CTTNBP2: variants seen among roughly 807,000 people sequenced by gnomAD.
CTTNBP2 encodes the protein cortactin binding protein 2, also known as cortactin-binding protein 2.
CTTNBP2 carries 108 observed loss-of-function variants against 156.9 expected under a neutral mutation model. The observed-to-expected ratio is 0.69, with a 90% CI of 0.59 to 0.81. CTTNBP2 has a LOEUF of 0.81. Ranked by LOEUF, CTTNBP2 falls within the 30% of genes least tolerant of loss-of-function variation. The pLI, the probability that CTTNBP2 is intolerant of heterozygous loss-of-function variation, is 0.00. For missense variants in CTTNBP2, 1,924 were observed against 2,035.4 expected, an observed-to-expected ratio of 0.95 and a Z score of 1.05; for synonymous variants, 767 against 751.8, an observed-to-expected ratio of 1.02 and a Z score of -0.33.
intron 14 of CTTNBP2, among the ~76,000 whole-genome samples, chr7:117,739,857 T>A (rs1795900920): frequency 6.6e-6 from 1 of 152,200 alleles, no homozygotes; most frequent in Admixed American, 6.5e-5. Flanking sequence ...ACTCCAATTG[T>A]CATAGTCTCC....
chr7:117,873,316 G>T lies in CTTNBP2; in HGVS notation c.81+19C>A. ...CCGCGTCTACACTAGCCCCGCGCCC[G>T]CCCCGGGAACTCGGTTACCGCCGCC... On this transcript the variant is annotated intron_variant, in intron 1 of 22. Coordinates refer to ENST00000160373, the MANE Select transcript of CTTNBP2 (RefSeq NM_033427.3). 2 of 1,429,924 alleles carry T rather than the reference G, an allele frequency of 1.4e-6. No homozygotes were observed. The highest frequency in any genetic ancestry group is 1.8e-6 in the Non-Finnish European group (2 of 1,094,780). The allele number at this position is 1,429,924 out of a possible 1,614,324, so 88.6% of individuals were successfully genotyped here.
intron 9 of CTTNBP2, among the ~76,000 whole-genome samples, chr7:117,766,028 C>T (rs531964100): frequency 8.7e-4 from 133 of 152,242 alleles, no homozygotes; most frequent in Middle Eastern, 3.4e-3. Context: ...TATATTTATT[C>T]CTTCTACTTT....
intron 1 of CTTNBP2, chr7:117,871,491 T>C (rs879900548): frequency 6.1e-6 from 1 of 163,822 alleles, no homozygotes; most frequent in African/African-American, 2.4e-5. Flanking sequence ...AGATTTTCCA[T>C]GGCTCTGCCC....
At chr7:117,833,892 T>C (rs986358658) in intron 2 of CTTNBP2, among the ~76,000 whole-genome samples, 1 of 152,176 alleles carries the variant, frequency 6.6e-6, no homozygotes, top group African/African-American at 2.4e-5. Context: ...AGATTCTCAA[T>C]TAAGAATTTC....
chr7:117,721,003 T>G, intron 20 of CTTNBP2, 64 bp downstream of exon 20: 1 of 1,005,306 alleles, frequency 9.9e-7, no homozygotes, highest in Non-Finnish European at 1.6e-6. Flanking sequence ...ACATTTAAAA[T>G]AGTAATTGAA....
intron 2 of CTTNBP2, among the ~76,000 whole-genome samples, chr7:117,850,880 T>C (rs985786372): frequency 5.9e-5 from 9 of 152,158 alleles, no homozygotes; most frequent in African/African-American, 2.2e-4. Flanking sequence ...TACACTCTCT[T>C]CCCAGTGCAA....
At chr7:117,851,586 C>T (rs1414396012) in intron 2 of CTTNBP2, among the ~76,000 whole-genome samples, 1 of 152,198 alleles carries the variant, frequency 6.6e-6, no homozygotes, top group African/African-American at 2.4e-5. Context: ...TACCTCGGAG[C>T]CTACAGTGAA....
chr7:117,805,095 G>A (rs1428750823), intron 3 of CTTNBP2, among the ~76,000 whole-genome samples: 2 of 151,982 alleles, frequency 1.3e-5, no homozygotes, highest in Non-Finnish European at 2.9e-5. Flanking sequence ...GAACTAGGTC[G>A]ATCATATATT....
chr7:117,819,861 A>T (rs901868581), intron 2 of CTTNBP2, among the ~76,000 whole-genome samples: 7 of 152,226 alleles, frequency 4.6e-5, no homozygotes, highest in Non-Finnish European at 1.0e-4. Context: ...ATTGTGAATC[A>T]TACCAAGACT....
chr7:117,820,550 G>T (rs972998183), intron 2 of CTTNBP2, among the ~76,000 whole-genome samples: 1 of 152,150 alleles, frequency 6.6e-6, no homozygotes, highest in Admixed American at 6.5e-5. Flanking sequence ...CAATATTTGT[G>T]TATGGTGTTA....
At position 117,716,407 on chromosome 7, in the gene CTTNBP2, G is replaced by A. The variant is rs548454628; in HGVS notation, c.4746+1611C>T. Among the ~76,000 whole-genome samples, 211 of 152,154 alleles carry A rather than the reference G, an allele frequency of 1.4e-3. 1 individual carries two copies. Among genetic ancestry groups the A allele is most frequent in the South Asian group, 3.3e-3 (16 of 4,810 alleles). ...GGGAAGGTGGTTCACTGTTCCTCTTGCTAAGATCCTCCTGGCCCCTTCCAC... is the reference window on the plus strand; with the variant it reads ...GGGAAGGTGGTTCACTGTTCCTCTTACTAAGATCCTCCTGGCCCCTTCCAC... On this transcript the variant is annotated intron_variant, in intron 22 of 22. Transcript: ENST00000160373.
intron 22 of CTTNBP2, among the ~76,000 whole-genome samples, chr7:117,717,467 ATTTTGTTTTCTG>A (rs139625269): frequency 3.3e-5 from 5 of 152,056 alleles, no homozygotes; most frequent in Non-Finnish European, 7.4e-5. Flanking sequence ...CGCATCCACA[ATTTTGTTTTCTG>A]TGATCTGGAA....
chr7:117,793,914 T>C (rs1799173649), intron 3 of CTTNBP2, among the ~76,000 whole-genome samples: 1 of 152,188 alleles, frequency 6.6e-6, no homozygotes, highest in South Asian at 2.1e-4. Context: ...ACCTTTACAA[T>C]GAGGCCTTCC....
intron 3 of CTTNBP2, among the ~76,000 whole-genome samples, chr7:117,808,384 A>T (rs942236115): frequency 1.3e-5 from 2 of 152,060 alleles, no homozygotes; most frequent in Admixed American, 6.5e-5. Flanking sequence ...ATGATTACTC[A>T]TTAGCTTATT....
intron 8 of CTTNBP2, among the ~76,000 whole-genome samples, chr7:117,768,697 C>G (rs901315562): frequency 6.6e-6 from 1 of 152,032 alleles, no homozygotes; most frequent in African/African-American, 2.4e-5. Flanking sequence ...TTTTGTACTC[C>G]ATCTCAACAA....
chr7:117,731,241 T>C (rs1455875824), intron 16 of CTTNBP2, among the ~76,000 whole-genome samples: 2 of 152,234 alleles, frequency 1.3e-5, no homozygotes, highest in African/African-American at 2.4e-5. Flanking sequence ...TATGAGTCCC[T>C]TCAAAGGTGA....
At chr7:117,715,867 T>C (rs1794326609) in intron 22 of CTTNBP2, 1 of 152,218 alleles carries the variant, frequency 6.6e-6, no homozygotes. Context: ...TAAATGGAGA[T>C]ACTTCCTGAT....
chr7:117,820,892 T>C (rs955601170), intron 2 of CTTNBP2, among the ~76,000 whole-genome samples: 1 of 152,192 alleles, frequency 6.6e-6, no homozygotes, highest in Non-Finnish European at 1.5e-5. Context: ...TTTAATTGAG[T>C]TTGGTAAGTC....
intron 3 of CTTNBP2, among the ~76,000 whole-genome samples, chr7:117,806,513 A>G (rs1799952470): frequency 6.6e-6 from 1 of 152,208 alleles, no homozygotes; most frequent in Admixed American, 6.5e-5. Flanking sequence ...TGGGCACTCC[A>G]ACCCATCTGC....
Sources: allele counts gnomAD v4.1 joint callset (sites outside exome capture counted in the v4.1 genomes callset), GRCh38; gene constraint gnomAD v4.1.1; transcripts MANE v1.5; gene names NCBI Gene and HGNC (gene_info 2026-07-23, HGNC 2026-07-21).